Variants in DENND2A observed in about 807,000 individuals in gnomAD.
The protein encoded by DENND2A is DENN domain containing 2A, also known as DENN domain-containing protein 2A.
A neutral mutation model predicts 105.3 loss-of-function variants in DENND2A; 53 were observed. The observed-to-expected ratio is 0.50, with a 90% CI of 0.40 to 0.63. DENND2A has a LOEUF of 0.63. Among genes scored for constraint, DENND2A ranks in the 30% least tolerant of loss-of-function variants. DENND2A has a pLI of 0.00. For missense variants in DENND2A, 1,138 were observed against 1,279.6 expected (o/e 0.89, Z 1.69); for synonymous variants, 522 against 508.4 (o/e 1.03, Z -0.36).
intron 12 of DENND2A, among the ~76,000 whole-genome samples, chr7:140,548,704 C>A (rs953740299): frequency 2.6e-5 from 4 of 151,360 alleles, no homozygotes; most frequent in Admixed American, 1.3e-4. Context: ...ACCTCTGCCT[C>A]CTGGGTTCAA....
At chr7:140,628,748 G>T (rs1800628873) in intron 1 of DENND2A, among the ~76,000 whole-genome samples, 2 of 152,024 alleles carry the variant, frequency 1.3e-5, no homozygotes, top group Admixed American at 1.3e-4. Context: ...CACCATGTTG[G>T]TCAGGCTGGT....
At chr7:140,601,150 T>C (rs901227137) in intron 3 of DENND2A, among the ~76,000 whole-genome samples, 2 of 152,230 alleles carry the variant, frequency 1.3e-5, no homozygotes, top group African/African-American at 4.8e-5. Context: ...AAGTCCTTAT[T>C]ACATCTAAAG....
chr7:140,635,917 C>G (rs766207671), intron 1 of DENND2A, among the ~76,000 whole-genome samples: 5 of 152,222 alleles, frequency 3.3e-5, no homozygotes, highest in African/African-American at 4.8e-5. Flanking sequence ...GAGTCTGACT[C>G]TGGCTTCCCA....
Position 140,561,412 on chromosome 7 carries a change from T to C in DENND2A, c.1780-1595A>G, listed in dbSNP as rs147544684. Among the ~76,000 whole-genome samples, 625 of 152,250 alleles carry C rather than the reference T, an allele frequency of 4.1e-3. 6 individuals carry two copies. The highest frequency in any genetic ancestry group is 0.015 in the African/African-American group (603 of 41,552). ...GTTATCTTCAGTGATTTGAAATATCTCATATCTGAATATCTGAGGTTAGGA... is the reference window on the plus strand; with the variant it reads ...GTTATCTTCAGTGATTTGAAATATCCCATATCTGAATATCTGAGGTTAGGA... On this transcript the variant is annotated intron_variant, in intron 9 of 19. Transcript: ENST00000496613.
At chr7:140,580,112 A>C (rs1798477771) in intron 5 of DENND2A, among the ~76,000 whole-genome samples, 1 of 152,206 alleles carries the variant, frequency 6.6e-6, no homozygotes, top group Non-Finnish European at 1.5e-5. Context: ...CCATCTCAAA[A>C]AAAAATGTAA....
chr7:140,593,738 G>C (rs1177391249), intron 3 of DENND2A, among the ~76,000 whole-genome samples: 3 of 151,952 alleles, frequency 2.0e-5, no homozygotes, highest in Non-Finnish European at 4.4e-5. Context: ...TACCTCCAAA[G>C]CATCTCTTGA....
intron 9 of DENND2A, among the ~76,000 whole-genome samples, chr7:140,562,719 C>T (rs1269116785): frequency 2.6e-5 from 4 of 152,156 alleles, no homozygotes; most frequent in Non-Finnish European, 2.9e-5. Flanking sequence ...TGATTCCCCT[C>T]AGGCTAGACC....
intron 19 of DENND2A, 88 bp from the exon 20 acceptor site, chr7:140,518,826 G>A: frequency 7.2e-7 from 1 of 1,394,850 alleles, no homozygotes; most frequent in Non-Finnish European, 1.0e-6. Context: ...AGTGGTGCGG[G>A]TAACGGGGCC....
chr7:140,583,994 C>A (rs1798666129), intron 5 of DENND2A, among the ~76,000 whole-genome samples: 1 of 147,444 alleles, frequency 6.8e-6, no homozygotes, highest in Non-Finnish European at 1.5e-5. Context: ...GTAATCCTAG[C>A]ACTTTGGGAG....
At chr7:140,536,489 T>C (rs1796460382) in intron 14 of DENND2A, among the ~76,000 whole-genome samples, 1 of 152,062 alleles carries the variant, frequency 6.6e-6, no homozygotes, top group South Asian at 2.1e-4. Flanking sequence ...AGAGAAGAAC[T>C]GGAATAAGCT....
intron 3 of DENND2A, among the ~76,000 whole-genome samples, chr7:140,598,952 A>G (rs994837522): frequency 6.6e-6 from 1 of 151,966 alleles, no homozygotes; most frequent in African/African-American, 2.4e-5. Context: ...TTTTTTGCAT[A>G]TGACATGATG....
At chr7:140,519,846 C>G in intron 18 of DENND2A, 128 bp from the exon 19 acceptor site, 3 of 797,544 alleles carry the variant, frequency 3.8e-6, no homozygotes, top group Non-Finnish European at 6.3e-6. Flanking sequence ...TAAACATGCT[C>G]TGAATCAGGA....
In DENND2A at chr7:140,521,949, G is replaced by C. The variant is rs993545668; in HGVS notation, c.2817C>G (p.Ser939=). The change falls in exon 18 of 20, where the codon TCC becomes TCG. Residue 939 remains serine, a synonymous_variant. Coordinates refer to ENST00000496613, the MANE Select transcript of DENND2A (RefSeq NM_015689.5). ...CCTCCAGGAAGTGGCGGAGGCTCTTGGAGGAGACAGCTTTGCGGAAGGCCT... is the reference window on the plus strand; with the variant it reads ...CCTCCAGGAAGTGGCGGAGGCTCTTCGAGGAGACAGCTTTGCGGAAGGCCT... ...QREAFRKAVS[S]KSLRHFLEVF... is the part of the protein sequence containing the mutation. 1.2e-5 allele frequency: 20 copies of C among 1,613,992 alleles called. No homozygotes were observed. The highest frequency in any genetic ancestry group is 1.6e-5 in the Non-Finnish European group (19 of 1,180,050).
intron 5 of DENND2A, among the ~76,000 whole-genome samples, chr7:140,576,750 C>G (rs1304498290): frequency 6.6e-6 from 1 of 152,172 alleles, no homozygotes; most frequent in Non-Finnish European, 1.5e-5. Flanking sequence ...CATAAACTTT[C>G]AGTAGAGGAA....
At chr7:140,610,723 C>T (rs1279478982) in intron 1 of DENND2A, among the ~76,000 whole-genome samples, 2 of 152,154 alleles carry the variant, frequency 1.3e-5, no homozygotes, top group Non-Finnish European at 2.9e-5. Flanking sequence ...AGGAAATAAA[C>T]AAGATCAGGT....
rs750694634 is a variant in DENND2A at position 140,601,431 on chromosome 7, C to T, written c.967G>A (p.Gly323Arg). 10 of 1,606,910 alleles carry T rather than the reference C, an allele frequency of 6.2e-6. No individual in the cohort carries two copies. Among genetic ancestry groups the T allele is most frequent in the Middle Eastern group, 1.7e-4 (1 of 6,000 alleles). The change falls in exon 3 of 20, where the codon GGG becomes AGG. Residue 323 changes from glycine (G) to arginine (R), a missense_variant. By Grantham distance (125) the Gly-to-Arg change is moderately radical (BLOSUM62 -2). Around this residue, in one of 2 missense-constraint regions of DENND2A, gnomAD observed 511 missense variants for 499.9 expected, o/e 1.02. Transcript: ENST00000496613. Reference protein sequence around the residue: ...PSSVNRRLWTGRQKSSADHRK... With the variant: ...PSSVNRRLWTRRQKSSADHRK... Reference sequence around the variant, plus strand: ...TGGTCTGCACTGGATTTCTGTCTCCCGGTCCACAGTCTTCTGTTCACAGAG... The same window carrying T: ...TGGTCTGCACTGGATTTCTGTCTCCTGGTCCACAGTCTTCTGTTCACAGAG...
chr7:140,552,865 A>G (rs1269420353), intron 12 of DENND2A, among the ~76,000 whole-genome samples: 2 of 152,138 alleles, frequency 1.3e-5, no homozygotes, highest in Non-Finnish European at 2.9e-5. Context: ...AGATTTACAG[A>G]GAAGTACAAG....
chr7:140,596,328 C>T (rs1799280832), intron 3 of DENND2A, among the ~76,000 whole-genome samples: 1 of 152,178 alleles, frequency 6.6e-6, no homozygotes, highest in African/African-American at 2.4e-5. Context: ...TTGCTCTAAA[C>T]ATCAACTTAA....
chr7:140,578,467 T>C (rs984325125), intron 5 of DENND2A, among the ~76,000 whole-genome samples: 19 of 152,190 alleles, frequency 1.2e-4, no homozygotes, highest in African/African-American at 4.6e-4. Flanking sequence ...TTCCTACTCT[T>C]AGGAGACCTC....
Sources: gnomAD v4.1 joint callset for allele counts (sites outside exome capture counted in the v4.1 genomes callset) on GRCh38, gnomAD v4.1.1 for gene constraint, gnomAD v4.1.1 regional missense constraint, MANE v1.5 for transcripts, NCBI Gene and HGNC (gene_info 2026-07-23, HGNC 2026-07-21) for gene names.